DLGAP3: variants seen among roughly 807,000 people sequenced by gnomAD.
DLGAP3 encodes the protein disks large-associated protein 3.
In DLGAP3, 17 loss-of-function variants were observed where a neutral mutation model predicts 81.2. That is an observed-to-expected ratio of 0.21 (90% CI 0.14 to 0.31). DLGAP3 has a LOEUF of 0.31. DLGAP3 is among the 10% of genes least tolerant of loss of function. The pLI, the probability that DLGAP3 is intolerant of heterozygous loss-of-function variation, is 1.00. For missense variants in DLGAP3, 1,124 were observed against 1,388.0 expected (o/e 0.81, Z 3.02); for synonymous variants, 577 against 587.4 (o/e 0.98, Z 0.26).
chr1:34,890,753 C>T (rs985042177), intron 5 of DLGAP3, among the ~76,000 whole-genome samples: 19 of 152,186 alleles, frequency 1.2e-4, no homozygotes, highest in African/African-American at 4.3e-4. Context: ...CAGCCTTGGC[C>T]AACACCTTGA....
intron 8 of DLGAP3, 52 bp from the exon 9 acceptor site, chr1:34,869,141 T>C (rs1183077752): frequency 7.3e-7 from 1 of 1,372,876 alleles, no homozygotes; most frequent in Non-Finnish European, 1.0e-6. Context: ...ATGCCAGCTC[T>C]CACCCCCACC....
Position 34,885,634 on chromosome 1 carries a change from G to A in DLGAP3, c.1758C>T (p.Asp586=). ...GTGTGCGCGCACCCATGGCGGGGCC[G>A]TCCAGCCCGTCGGCGGAGCTGCAGC... ...ARRCSSADGL[D]GPAMGARTLE... is the part of the protein sequence containing the mutation. Residue 586 remains aspartate (D), a synonymous_variant, in exon 7 of 12, where the codon GAC becomes GAT. Coordinates refer to ENST00000373347, the MANE Select transcript of DLGAP3 (RefSeq NM_001080418.3). The A allele has an allele frequency of 1.3e-6, 2 of 1,502,246 alleles. No individual in the cohort carries two copies. The highest frequency in any genetic ancestry group is 2.5e-5 in the East Asian group (1 of 39,380). 93.1% of individuals were successfully genotyped at this position (1,502,246 alleles called of 1,614,324 possible).
At chr1:34,889,121 G>C (rs1315704455) in intron 5 of DLGAP3, among the ~76,000 whole-genome samples, 3 of 152,156 alleles carry the variant, frequency 2.0e-5, no homozygotes, top group African/African-American at 7.2e-5. Context: ...GCAACAAGAG[G>C]CTCTTAAATC....
intron 5 of DLGAP3, among the ~76,000 whole-genome samples, chr1:34,890,988 C>T (rs1213821074): frequency 6.6e-6 from 1 of 152,128 alleles, no homozygotes; most frequent in African/African-American, 2.4e-5. Context: ...GCAGCCAGTG[C>T]TACCTTAGCT....
intron 8 of DLGAP3, among the ~76,000 whole-genome samples, chr1:34,878,914 CA>C (rs941162119): frequency 9.3e-5 from 14 of 151,176 alleles, no homozygotes; most frequent in Admixed American, 3.3e-4. Flanking sequence ...ACTAAAAATA[CA>C]AAAAAAATTA....
At position 34,867,687 on chromosome 1, in the gene DLGAP3, G is replaced by A. The variant is rs567268668; in HGVS notation, c.2486-60C>T. On this transcript the variant is annotated intron_variant, in intron 9 of 11. Coordinates refer to ENST00000373347, the MANE Select transcript of DLGAP3 (RefSeq NM_001080418.3). This position sits in a 1 kb window ranked among gnomAD's most constrained non-coding sequence, Gnocchi z 4.3. Reference sequence around the variant, plus strand: ...ATGCATCTCCTTCCCCAGCCTCCACGAAGTCTGCCCTGAATGACGCTGACC... The same window carrying A: ...ATGCATCTCCTTCCCCAGCCTCCACAAAGTCTGCCCTGAATGACGCTGACC... The A allele has an allele frequency of 2.4e-5, 34 of 1,407,020 alleles. No individual in the cohort carries two copies. The highest frequency in any genetic ancestry group is 3.3e-5 in the Admixed American group (2 of 59,718). 87.2% of individuals were successfully genotyped at this position (1,407,020 alleles called of 1,614,324 possible).
chr1:34,892,650 T>A (rs1451334239), intron 5 of DLGAP3, among the ~76,000 whole-genome samples: 1 of 152,146 alleles, frequency 6.6e-6, no homozygotes, highest in Non-Finnish European at 1.5e-5. Context: ...CCCAAGTGGC[T>A]AGGGCTACAG....
At position 34,868,315 on chromosome 1, in the gene DLGAP3, G is replaced by C. The variant is rs1638917927; in HGVS notation, c.2485+290C>G. Among the ~76,000 whole-genome samples the C allele has an allele frequency of 6.6e-6, 1 of 152,210 alleles. No individual in the cohort carries two copies. The highest frequency in any genetic ancestry group is 2.4e-5 in the African/African-American group (1 of 41,446). ...TTCCCTTAGTCCCCATAAACTTGGT[G>C]ATTTGGACTAGCAGCCATCCATAGA... is the stretch of plus-strand genomic sequence containing the variant. On this transcript the variant is annotated intron_variant, in intron 9 of 11. Transcript: ENST00000373347. This position sits in a 1 kb window ranked among gnomAD's most constrained non-coding sequence, Gnocchi z 7.5.
intron 2 of DLGAP3, among the ~76,000 whole-genome samples, chr1:34,906,034 T>TTA (rs1639550076): frequency 2.6e-5 from 1 of 39,158 alleles, no homozygotes; most frequent in Non-Finnish European, 5.8e-5. Context: ...ATATATATAT[T>TTA]TGTTTGTTTT....
In DLGAP3 at chr1:34,900,290, C is replaced by T. The variant is rs1477979832; in HGVS notation, c.1108-17G>A. The T allele has an allele frequency of 6.2e-7, 1 of 1,611,300 alleles. No individual in the cohort carries two copies. Among genetic ancestry groups the T allele is most frequent in the Non-Finnish European group, 8.5e-7 (1 of 1,178,140 alleles). Reference sequence around the variant, plus strand: ...TTGCGGCACCTGCAGGAACAGGGGTCTCTGTCTCTCAGACATGACCCTAGT... The same window carrying T: ...TTGCGGCACCTGCAGGAACAGGGGTTTCTGTCTCTCAGACATGACCCTAGT... On this transcript the variant is annotated splice_polypyrimidine_tract_variant and intron_variant, in intron 3 of 11. Transcript: ENST00000373347. This position sits in a 1 kb window ranked among gnomAD's most constrained non-coding sequence, Gnocchi z 5.6.
At chr1:34,927,665 A>C (rs1004062189) in intron 1 of DLGAP3, among the ~76,000 whole-genome samples, 1 of 151,982 alleles carries the variant, frequency 6.6e-6, no homozygotes, top group South Asian at 2.1e-4. Context: ...CCAACTCACG[A>C]AGCCTCTCCC....
In DLGAP3 at chr1:34,873,067, G is replaced by A. The variant is rs978084886; in HGVS notation, c.2001-3978C>T. Among the ~76,000 whole-genome samples the A allele has an allele frequency of 6.6e-6, 1 of 152,226 alleles. No homozygotes were observed. The highest frequency in any genetic ancestry group is 1.5e-5 in the Non-Finnish European group (1 of 68,052). On this transcript the variant is annotated intron_variant, in intron 8 of 11. Coordinates refer to ENST00000373347, the MANE Select transcript of DLGAP3 (RefSeq NM_001080418.3). The surrounding 1 kb of genome is among the most constrained non-coding windows in gnomAD (Gnocchi z 4.2). ...TCTAAGCACTTAGTATGTGCCAGGA[G>A]AAGCACTTTCCATGAATAAACATGC...
At chr1:34,901,728 A>G (rs1557486291) in intron 3 of DLGAP3, among the ~76,000 whole-genome samples, 1 of 152,258 alleles carries the variant, frequency 6.6e-6, no homozygotes. Context: ...GGACATGTCA[A>G]TGACAGGGAG....
chr1:34,880,939 C>T (rs1439347511), intron 8 of DLGAP3, among the ~76,000 whole-genome samples: 1 of 152,106 alleles, frequency 6.6e-6, no homozygotes, highest in Non-Finnish European at 1.5e-5. Flanking sequence ...CCCCAAAAGG[C>T]ATCAGGCATA....
chr1:34,883,273 T>C (rs1314179186), intron 8 of DLGAP3, among the ~76,000 whole-genome samples: 1 of 152,230 alleles, frequency 6.6e-6, no homozygotes, highest in Non-Finnish European at 1.5e-5. Flanking sequence ...ATACAACACG[T>C]GCTTAGTAAG....
rs763114897 is a variant in DLGAP3, at chr1:34,905,132, C to A, written c.252G>T (p.Gly84=). 2.5e-6 allele frequency: 4 copies of A among 1,571,462 alleles called. No homozygotes were observed. Among genetic ancestry groups the A allele is most frequent in the East Asian group, 2.3e-5 (1 of 42,664 alleles). ...ACATCCTGGGGAAGGTGCTGCTACCCCCCCCAACCCCGGCCCCCGCTGGCC... is the reference window on the plus strand; with the variant it reads ...ACATCCTGGGGAAGGTGCTGCTACCACCCCCAACCCCGGCCCCCGCTGGCC... ...EGGPAGAGVG[G]GSSTFPRMYP... The change falls in exon 3 of 12, where the codon GGG becomes GGT. Residue 84 remains glycine (G), a synonymous_variant. Transcript: ENST00000373347.
chr1:34,897,105 A>G (rs761347419), intron 5 of DLGAP3, among the ~76,000 whole-genome samples: 2 of 152,192 alleles, frequency 1.3e-5, no homozygotes, highest in Non-Finnish European at 2.9e-5. Flanking sequence ...TTAGGCAAAT[A>G]CTAAACGAAA....
chr1:34,902,299 T>C lies in DLGAP3; in HGVS notation c.1107+1978A>G, dbSNP rs952831055. Among the ~76,000 whole-genome samples, 4 of 151,788 alleles carry C rather than the reference T, an allele frequency of 2.6e-5. No individual in the cohort carries two copies. Among genetic ancestry groups the C allele is most frequent in the East Asian group, 3.9e-4 (2 of 5,148 alleles). ...AAAGGTGGAGACTCTGGGGATGAGA[T>C]GGGGTCCCTTGAAGGAACCCACGGG... On this transcript the variant is annotated intron_variant, in intron 3 of 11. Coordinates refer to ENST00000373347, the MANE Select transcript of DLGAP3 (RefSeq NM_001080418.3). This position sits in a 1 kb window ranked among gnomAD's most constrained non-coding sequence, Gnocchi z 4.4.
chr1:34,887,477 C>T (rs1639252056), intron 5 of DLGAP3, among the ~76,000 whole-genome samples: 1 of 151,898 alleles, frequency 6.6e-6, no homozygotes, highest in Admixed American at 6.6e-5. Flanking sequence ...GTGCCGCACA[C>T]CACCACATGA....
Sources: gnomAD v4.1 joint callset for allele counts (sites outside exome capture counted in the v4.1 genomes callset) on GRCh38, gnomAD v4.1.1 for gene constraint, Gnocchi (gnomAD v3.1) non-coding constraint, MANE v1.5 for transcripts, NCBI Gene and HGNC (gene_info 2026-07-23, HGNC 2026-07-21) for gene names.